Variants in RBFOX1 observed in about 807,000 individuals in gnomAD.
RBFOX1 encodes the protein RNA binding fox-1 homolog 1.
A neutral mutation model predicts 57.7 loss-of-function variants in RBFOX1; 8 were observed. That is an observed-to-expected ratio of 0.14 (90% CI 0.08 to 0.25). RBFOX1 has a LOEUF of 0.25. RBFOX1 is among the 10% of genes least tolerant of loss of function. The pLI is 1.00. For missense variants in RBFOX1, 611 were observed against 548.5 expected (o/e 1.11, Z -1.14); for synonymous variants, 326 against 222.4 (o/e 1.47, Z -4.15).
chr16:7,562,914 A>G (rs1360993480), intron 5 of RBFOX1, among the ~76,000 whole-genome samples: 1 of 152,184 alleles, frequency 6.6e-6, no homozygotes, highest in Non-Finnish European at 1.5e-5. Flanking sequence ...TTTAAAGTGG[A>G]CTGGCCTGAG....
chr16:7,547,142 G>T (rs896015989), intron 5 of RBFOX1, among the ~76,000 whole-genome samples: 1 of 152,080 alleles, frequency 6.6e-6, no homozygotes, highest in African/African-American at 2.4e-5. Context: ...ACTGGCTAAC[G>T]CACAGCCCTG....
chr16:7,337,617 A>G (rs1431507728), intron 4 of RBFOX1, among the ~76,000 whole-genome samples: 4 of 152,180 alleles, frequency 2.6e-5, no homozygotes, highest in Non-Finnish European at 5.9e-5. Flanking sequence ...CAAGCTCACA[A>G]AAGAATGGGC....
At chr16:6,387,140 G>T (rs2092337315) in intron 2 of RBFOX1, among the ~76,000 whole-genome samples, 1 of 152,118 alleles carries the variant, frequency 6.6e-6, no homozygotes, top group Non-Finnish European at 1.5e-5. Context: ...TGCCTTTTAG[G>T]GTTGGTGACC....
At chr16:6,604,413 G>C (rs112346666) in intron 2 of RBFOX1, among the ~76,000 whole-genome samples, 2,126 of 152,116 alleles carry the variant, frequency 0.014, 54 homozygotes, top group African/African-American at 0.047. Context: ...TTGCATTTAA[G>C]TGATCTTCCC....
At chr16:7,562,045 A>C (rs1266509778) in intron 5 of RBFOX1, among the ~76,000 whole-genome samples, 2 of 152,156 alleles carry the variant, frequency 1.3e-5, no homozygotes, top group Admixed American at 1.3e-4. Flanking sequence ...CAGGAGGAAA[A>C]GGTTGGAGGC....
At chr16:6,744,711 C>G (rs928605835) in intron 3 of RBFOX1, among the ~76,000 whole-genome samples, 1 of 151,960 alleles carries the variant, frequency 6.6e-6, no homozygotes, top group African/African-American at 2.4e-5. Flanking sequence ...AAGAGAAATT[C>G]ATAGCATTAA....
chr16:5,892,149 G>T (rs1318960413), intron 4 of RBFOX1, among the ~76,000 whole-genome samples: 3 of 152,184 alleles, frequency 2.0e-5, no homozygotes, highest in Non-Finnish European at 4.4e-5. Context: ...GTTAATGCAT[G>T]GAACGGTGCA....
intron 3 of RBFOX1, among the ~76,000 whole-genome samples, chr16:6,801,969 G>C (rs1164367919): frequency 6.6e-6 from 1 of 152,108 alleles, no homozygotes; most frequent in Non-Finnish European, 1.5e-5. Context: ...GTGCTGGGGT[G>C]ATTACCCTTA....
intron 3 of RBFOX1, among the ~76,000 whole-genome samples, chr16:5,609,298 T>G (rs1412927987): frequency 6.6e-6 from 1 of 152,186 alleles, no homozygotes; most frequent in African/African-American, 2.4e-5. Context: ...ATTTTAAATG[T>G]GAATTTCCAA....
intron 1 of RBFOX1, among the ~76,000 whole-genome samples, chr16:5,307,065 G>A (rs1166573502): frequency 6.6e-6 from 1 of 152,094 alleles, no homozygotes; most frequent in Non-Finnish European, 1.5e-5. Flanking sequence ...CCGTGGTGGG[G>A]GGTGGAGTGG....
chr16:6,906,195 T>C (rs35937734), intron 3 of RBFOX1, among the ~76,000 whole-genome samples: 45,004 of 151,580 alleles, frequency 0.3, 7,828 homozygotes, highest in African/African-American at 0.49. Flanking sequence ...AGCAGATTTG[T>C]AGAAGGTGCC....
chr16:7,670,177 A>G (rs1219685066), intron 13 of RBFOX1, among the ~76,000 whole-genome samples: 1 of 152,100 alleles, frequency 6.6e-6, no homozygotes, highest in East Asian at 1.9e-4. Context: ...GACTACATGC[A>G]TGCACCACGA....
At chr16:7,020,573 T>A (rs1177432089) in intron 3 of RBFOX1, among the ~76,000 whole-genome samples, 2 of 152,150 alleles carry the variant, frequency 1.3e-5, no homozygotes, top group African/African-American at 4.8e-5. Flanking sequence ...AAATAAGGAA[T>A]CTAGGTCAAT....
intron 4 of RBFOX1, among the ~76,000 whole-genome samples, chr16:7,178,244 A>G (rs1226988248): frequency 6.6e-6 from 1 of 152,232 alleles, no homozygotes. Context: ...TCAATTTGTC[A>G]GAGGCACTAT....
intron 2 of RBFOX1, among the ~76,000 whole-genome samples, chr16:6,351,372 A>ATATATTT (rs1199701253): frequency 1.2e-5 from 1 of 86,432 alleles, no homozygotes; most frequent in East Asian, 3.3e-4. Flanking sequence ...ATATATATAT[A>ATATATTT]TTTTTTTTTT....
At chr16:6,689,306 T>C (rs1255584034) in intron 3 of RBFOX1, among the ~76,000 whole-genome samples, 1 of 152,178 alleles carries the variant, frequency 6.6e-6, no homozygotes, top group African/African-American at 2.4e-5. Flanking sequence ...CATGAAGTGA[T>C]AGAATAGACT....
chr16:5,427,122 G>A (rs2067585356), intron 1 of RBFOX1, among the ~76,000 whole-genome samples: 1 of 152,190 alleles, frequency 6.6e-6, no homozygotes, highest in African/African-American at 2.4e-5. Flanking sequence ...TCATCCTGAT[G>A]TGTCCGCAGA....
chr16:7,356,199 C>T (rs1247245323), intron 4 of RBFOX1, among the ~76,000 whole-genome samples: 1 of 152,190 alleles, frequency 6.6e-6, no homozygotes, highest in Non-Finnish European at 1.5e-5. Flanking sequence ...GTTCTAGGCA[C>T]TGAGAATACA....
chr16:6,771,494 C>G (rs929928208), intron 3 of RBFOX1, among the ~76,000 whole-genome samples: 2 of 152,128 alleles, frequency 1.3e-5, no homozygotes, highest in African/African-American at 4.8e-5. Flanking sequence ...ATGCCTAAGT[C>G]AGCAGTCCTA....
Sources: gnomAD v4.1 joint callset for allele counts (sites outside exome capture counted in the v4.1 genomes callset) on GRCh38, gnomAD v4.1.1 for gene constraint, MANE v1.5 for transcripts, NCBI Gene and HGNC (gene_info 2026-07-23, HGNC 2026-07-21) for gene names.